Variants in CLASP1 observed in about 807,000 individuals in gnomAD.
CLASP1 encodes the protein cytoplasmic linker associated protein 1.
A neutral mutation model predicts 192.3 loss-of-function variants in CLASP1; 38 were observed. That is an observed-to-expected ratio of 0.20 (90% confidence interval 0.15 to 0.26). The LOEUF is 0.26. CLASP1 is among the 10% of genes least tolerant of loss of function. The probability of loss-of-function intolerance (pLI) is 1.00; values close to 1 mark genes in which losing one functional copy is unlikely to be tolerated. For missense variants in CLASP1, 1,433 were observed against 1,932.5 expected (o/e 0.74, Z 4.85); for synonymous variants, 691 against 712.8 (o/e 0.97, Z 0.49).
At chr2:121,365,952 T>C (rs2067325302) in intron 35 of CLASP1, among the ~76,000 whole-genome samples, 1 of 152,230 alleles carries the variant, frequency 6.6e-6, no homozygotes, top group South Asian at 2.1e-4. Context: ...CATGTTCTTT[T>C]AAGAAACCTG....
At chr2:121,490,128 T>G in intron 8 of CLASP1, 1 of 326,112 alleles carries the variant, frequency 3.1e-6, no homozygotes, top group Non-Finnish European at 6.0e-6. Flanking sequence ...TTTTCACTGC[T>G]TAAATACCAA....
chr2:121,419,533 T>A (rs1212527489), intron 22 of CLASP1, among the ~76,000 whole-genome samples: 1 of 152,080 alleles, frequency 6.6e-6, no homozygotes, highest in African/African-American at 2.4e-5. Flanking sequence ...TGGGGAAAGA[T>A]CTCTCCACTG....
intron 17 of CLASP1, 31 bp downstream of exon 17, chr2:121,448,922 C>G: frequency 6.3e-7 from 1 of 1,595,188 alleles, no homozygotes; most frequent in Non-Finnish European, 8.6e-7. Context: ...CAAATTCTCA[C>G]ATGAATGATA....
chr2:121,361,250 G>C (rs911694690), intron 37 of CLASP1, among the ~76,000 whole-genome samples: 1 of 152,180 alleles, frequency 6.6e-6, no homozygotes, highest in Admixed American at 6.5e-5. Flanking sequence ...GCTTGAACCT[G>C]GGAGGTGGAG....
At chr2:121,562,102 CG>C (rs900370047) in intron 2 of CLASP1, among the ~76,000 whole-genome samples, 1 of 152,184 alleles carries the variant, frequency 6.6e-6, no homozygotes, top group African/African-American at 2.4e-5. Flanking sequence ...CAACATAAAA[CG>C]GATTTCTCAC....
chr2:121,367,547 A>C (rs769422360), intron 35 of CLASP1, 41 bp downstream of exon 36: 2 of 1,611,844 alleles, frequency 1.2e-6, no homozygotes, highest in African/African-American at 1.3e-5. Context: ...GCACAAGGGA[A>C]GCACTTCTGG....
At chr2:121,367,263 G>C (rs2067593373) in intron 35 of CLASP1, among the ~76,000 whole-genome samples, 1 of 152,182 alleles carries the variant, frequency 6.6e-6, no homozygotes, top group African/African-American at 2.4e-5. Context: ...TGGCCTACCT[G>C]GGCCCTGGGT....
intron 2 of CLASP1, among the ~76,000 whole-genome samples, chr2:121,570,713 G>A (rs549455920): frequency 3.0e-4 from 45 of 152,182 alleles, no homozygotes; most frequent in Non-Finnish European, 5.7e-4. Flanking sequence ...AATACCATGA[G>A]TTTTCTATTT....
At chr2:121,398,613 T>C (rs780383101) in intron 28 of CLASP1, among the ~76,000 whole-genome samples, 1 of 152,118 alleles carries the variant, frequency 6.6e-6, no homozygotes, top group African/African-American at 2.4e-5. Flanking sequence ...CAAACACAAA[T>C]TGAACTTACT....
chr2:121,528,336 C>G (rs891223163), intron 4 of CLASP1, among the ~76,000 whole-genome samples: 1 of 152,150 alleles, frequency 6.6e-6, no homozygotes, highest in African/African-American at 2.4e-5. Context: ...GGCCAGGGCT[C>G]CAGCCAGGCC....
intron 23 of CLASP1, among the ~76,000 whole-genome samples, chr2:121,416,237 C>T (rs533924864): frequency 6.6e-6 from 1 of 152,274 alleles, no homozygotes; most frequent in South Asian, 2.1e-4. Context: ...CACTGGAATC[C>T]AAGGTAGACC....
chr2:121,524,056 C>T (rs367952955), intron 6 of CLASP1, among the ~76,000 whole-genome samples: 109 of 152,264 alleles, frequency 7.2e-4, no homozygotes, highest in African/African-American at 2.5e-3. Flanking sequence ...TTTTATGTTG[C>T]CCCACCACAG....
intron 2 of CLASP1, among the ~76,000 whole-genome samples, chr2:121,576,553 C>T (rs1292013779): frequency 6.6e-6 from 1 of 152,116 alleles, no homozygotes; most frequent in Non-Finnish European, 1.5e-5. Context: ...CCAAGGAGCC[C>T]CAATTCCTTT....
chr2:121,404,944 A>G lies in CLASP1; in HGVS notation c.2670-510T>C, dbSNP rs1434341406. ...TTTAATGAGAGGTACAAAACAAAAA[A>G]GGGAAAAAACAAAACAGCATGTGTT... On this transcript the variant is annotated intron_variant, in intron 25 of 39. Transcript: ENST00000263710. Among the ~76,000 whole-genome samples, 4 of 152,350 alleles carry G rather than the reference A, an allele frequency of 2.6e-5. No individual in the cohort carries two copies. In the East Asian group the frequency reaches 7.7e-4, roughly 29 times the overall value.
intron 7 of CLASP1, among the ~76,000 whole-genome samples, chr2:121,510,992 C>T (rs2094116565): frequency 6.6e-6 from 1 of 152,044 alleles, no homozygotes; most frequent in Admixed American, 6.6e-5. Context: ...GCAGTGAAGG[C>T]AGCCAGTTCA....
intron 34 of CLASP1, among the ~76,000 whole-genome samples, chr2:121,376,803 G>A (rs562693087): frequency 3.9e-5 from 6 of 152,230 alleles, no homozygotes; most frequent in African/African-American, 9.6e-5. Flanking sequence ...TCTCATAGGA[G>A]CGTCAACTCT....
chr2:121,515,731 T>C (rs765835483), exon 7 of CLASP1: 4 of 1,613,978 alleles, frequency 2.5e-6, no homozygotes, highest in Non-Finnish European at 3.4e-6. Context: ...TCTGTAAATT[T>C]CCACTAAGCT....
At chr2:121,352,966 G>A (rs2064776100) in intron 37 of CLASP1, among the ~76,000 whole-genome samples, 1 of 152,084 alleles carries the variant, frequency 6.6e-6, no homozygotes, top group Admixed American at 6.6e-5. Context: ...GGATTTTAAA[G>A]TATCTACTTT....
At chr2:121,611,588 T>A (rs1270776567) in intron 1 of CLASP1, among the ~76,000 whole-genome samples, 4 of 81,588 alleles carry the variant, frequency 4.9e-5, no homozygotes, top group South Asian at 3.9e-4. Flanking sequence ...GAAGAGGAAC[T>A]GGAGGAGGAG....
Sources: gnomAD v4.1 joint callset for allele counts (sites outside exome capture counted in the v4.1 genomes callset) on GRCh38, gnomAD v4.1.1 for gene constraint, MANE v1.5 for transcripts, NCBI Gene and HGNC (gene_info 2026-07-23, HGNC 2026-07-21) for gene names.